DNAJC15: variants seen among roughly 807,000 people sequenced by gnomAD.
DNAJC15 encodes the protein dnaJ homolog subfamily C member 15.
In DNAJC15, 27 loss-of-function variants were observed where a neutral mutation model predicts 22.4. The observed-to-expected ratio is 1.20, with a 90% CI of 0.89 to 1.66. The LOEUF is 1.66. Among genes scored for constraint, DNAJC15 ranks in the 40% most tolerant of loss-of-function variants. DNAJC15 has a pLI of 0.00. For synonymous variants in DNAJC15, 79 were observed against 63.2 expected (o/e 1.25, Z -1.19); for missense variants, 208 against 187.1 (o/e 1.11, Z -0.65).
intron 5 of DNAJC15, among the ~76,000 whole-genome samples, chr13:43,088,705 G>C (rs74060795): frequency 0.017 from 2,543 of 152,200 alleles, 82 homozygotes; most frequent in East Asian, 0.1. Flanking sequence ...ATTTTTATCT[G>C]AAGTCCTGAT....
chr13:43,056,207 A>G (rs904896746), intron 1 of DNAJC15, among the ~76,000 whole-genome samples: 1 of 151,378 alleles, frequency 6.6e-6, no homozygotes, highest in Admixed American at 6.6e-5. Context: ...GCTGAAGTGC[A>G]ATAGTGCAAT....
At chr13:43,081,049 T>C (rs1227297383) in intron 4 of DNAJC15, among the ~76,000 whole-genome samples, 1 of 152,242 alleles carries the variant, frequency 6.6e-6, no homozygotes, top group African/African-American at 2.4e-5. Context: ...GTATGTGTTC[T>C]AGATGATACT....
At chr13:43,096,625 G>T (rs74063470) in intron 5 of DNAJC15, among the ~76,000 whole-genome samples, 2,547 of 152,262 alleles carry the variant, frequency 0.017, 83 homozygotes, top group East Asian at 0.1. Flanking sequence ...CTTGCTGTTA[G>T]GAATCTTATA....
intron 1 of DNAJC15, 85 bp downstream of exon 1, chr13:43,023,819 T>A: frequency 8.0e-7 from 1 of 1,251,258 alleles, no homozygotes; most frequent in East Asian, 2.6e-5. Context: ...CCCTTGAACC[T>A]TTGTACTCCC....
chr13:43,081,726 C>A (rs1389276541), intron 4 of DNAJC15, among the ~76,000 whole-genome samples: 1 of 152,046 alleles, frequency 6.6e-6, no homozygotes, highest in Non-Finnish European at 1.5e-5. Flanking sequence ...CAGAAGCCAC[C>A]ATGCCTGGCA....
At chr13:43,029,929 C>T (rs186293878) in intron 1 of DNAJC15, among the ~76,000 whole-genome samples, 2 of 152,140 alleles carry the variant, frequency 1.3e-5, no homozygotes, top group African/African-American at 4.8e-5. Flanking sequence ...ATGAAACCAA[C>T]AGGCTTGGAG....
chr13:43,065,590 T>C, intron 1 of DNAJC15, 96 bp from the exon 2 acceptor site: 1 of 986,926 alleles, frequency 1.0e-6, no homozygotes, highest in South Asian at 1.4e-5. Context: ...AAAGAAAGTG[T>C]AGTATTGTAA....
At chr13:43,058,109 C>G (rs2040540405) in intron 1 of DNAJC15, among the ~76,000 whole-genome samples, 1 of 152,128 alleles carries the variant, frequency 6.6e-6, no homozygotes, top group South Asian at 2.1e-4. Context: ...CTCAGGACCT[C>G]TGGTTAGCCA....
chr13:43,070,550 A>G (rs771312091), intron 3 of DNAJC15, among the ~76,000 whole-genome samples: 1 of 152,300 alleles, frequency 6.6e-6, no homozygotes, highest in African/African-American at 2.4e-5. Flanking sequence ...AGTAACAGCA[A>G]TGAGGAATCT....
At chr13:43,046,742 C>T (rs1043888422) in intron 1 of DNAJC15, among the ~76,000 whole-genome samples, 3 of 152,066 alleles carry the variant, frequency 2.0e-5, no homozygotes, top group Non-Finnish European at 2.9e-5. Context: ...TCTTCTGGTC[C>T]GTGTTTGTTA....
chr13:43,025,919 A>G (rs2153439227), intron 1 of DNAJC15, among the ~76,000 whole-genome samples: 1 of 152,352 alleles, frequency 6.6e-6, no homozygotes, highest in Non-Finnish European at 1.5e-5. Flanking sequence ...AAAGAAAATA[A>G]CATGTTAACA....
At chr13:43,066,299 G>A (rs920633980) in intron 2 of DNAJC15, among the ~76,000 whole-genome samples, 2 of 151,828 alleles carry the variant, frequency 1.3e-5, no homozygotes, top group African/African-American at 4.8e-5. Context: ...CCTTCCAGAG[G>A]CTCTGGGGAG....
chr13:43,084,624 G>A (rs2040678739), intron 4 of DNAJC15, among the ~76,000 whole-genome samples: 1 of 152,216 alleles, frequency 6.6e-6, no homozygotes, highest in South Asian at 2.1e-4. Context: ...GCTTAAACAA[G>A]ATAGTATAGC....
chr13:43,077,489 T>G (rs948166372), intron 3 of DNAJC15, among the ~76,000 whole-genome samples: 1 of 152,174 alleles, frequency 6.6e-6, no homozygotes, highest in Non-Finnish European at 1.5e-5. Context: ...CAAGGGGTCA[T>G]AGGATTAAAT....
At chr13:43,048,801 T>A (rs926017043) in intron 1 of DNAJC15, among the ~76,000 whole-genome samples, 3 of 152,244 alleles carry the variant, frequency 2.0e-5, no homozygotes, top group African/African-American at 7.2e-5. Context: ...AGTAGAAGTA[T>A]GTGGTACCCT....
At chr13:43,053,795 C>G (rs1049537481) in intron 1 of DNAJC15, among the ~76,000 whole-genome samples, 10 of 152,174 alleles carry the variant, frequency 6.6e-5, no homozygotes, top group Non-Finnish European at 1.2e-4. Context: ...ATTCATTGAT[C>G]AATTCTAGGA....
chr13:43,051,814 G>A (rs1361253803), intron 1 of DNAJC15, among the ~76,000 whole-genome samples: 6 of 152,068 alleles, frequency 3.9e-5, no homozygotes, highest in Admixed American at 3.9e-4. Context: ...CCCAAGAGTG[G>A]GATTGCTGGA....
chr13:43,066,962 G>A (rs943250738), intron 2 of DNAJC15, among the ~76,000 whole-genome samples: 1 of 152,192 alleles, frequency 6.6e-6, no homozygotes, highest in Non-Finnish European at 1.5e-5. Flanking sequence ...AATTTGCTGA[G>A]TCTGTCATTA....
chr13:43,053,991 C>T (rs2040517989), intron 1 of DNAJC15, among the ~76,000 whole-genome samples: 1 of 152,160 alleles, frequency 6.6e-6, no homozygotes, highest in African/African-American at 2.4e-5. Context: ...TGTCTTGTTG[C>T]AGTTCCCAGA....
Sources: gnomAD v4.1 joint callset for allele counts (sites outside exome capture counted in the v4.1 genomes callset) on GRCh38, gnomAD v4.1.1 for gene constraint, MANE v1.5 for transcripts, NCBI Gene and HGNC (gene_info 2026-07-23, HGNC 2026-07-21) for gene names.